Variants in MME observed in about 807,000 individuals in gnomAD.
The protein encoded by MME is membrane metalloendopeptidase.
MME carries 98 observed loss-of-function variants against 113.2 expected under a neutral mutation model. That is an observed-to-expected ratio of 0.87 (90% confidence interval 0.74 to 1.02). The LOEUF (loss-of-function observed/expected upper bound fraction) is 1.02, where lower values mean the gene tolerates loss of function less well. Ranked by LOEUF, MME falls within the 50% of genes least tolerant of loss-of-function variation. The pLI, the probability that MME is intolerant of heterozygous loss-of-function variation, is 0.00. For synonymous variants in MME, 292 were observed against 300.6 expected (o/e 0.97, Z 0.30); for missense variants, 836 against 896.0 (o/e 0.93, Z 0.86).
At chr3:155,039,896 C>G (rs1427833782) in intron 1 of MME, among the ~76,000 whole-genome samples, 1 of 151,944 alleles carries the variant, frequency 6.6e-6, no homozygotes, top group Admixed American at 6.6e-5. Context: ...TTTGAAATGA[C>G]TAAATCTAAC....
intron 1 of MME, among the ~76,000 whole-genome samples, chr3:155,058,604 A>G (rs998075164): frequency 3.9e-5 from 6 of 152,166 alleles, no homozygotes; most frequent in Admixed American, 2.0e-4. Context: ...AAGCCTAAGG[A>G]AAAAATATTA....
At chr3:155,135,390 G>A (rs889351198) in intron 8 of MME, among the ~76,000 whole-genome samples, 6 of 152,136 alleles carry the variant, frequency 3.9e-5, no homozygotes, top group Non-Finnish European at 8.8e-5. Flanking sequence ...TTTGAATAGG[G>A]AGTCCTTTCC....
intron 22 of MME, among the ~76,000 whole-genome samples, chr3:155,174,356 G>GTA (rs1312819128): frequency 6.7e-6 from 1 of 149,606 alleles, no homozygotes; most frequent in African/African-American, 2.5e-5. Context: ...GTGTGTGTGT[G>GTA]TGTGTGTGTG....
At chr3:155,125,584 C>T (rs772945690) in intron 8 of MME, among the ~76,000 whole-genome samples, 1 of 151,478 alleles carries the variant, frequency 6.6e-6, no homozygotes, top group Non-Finnish European at 1.5e-5. Context: ...CCTCGGCCTC[C>T]TGAGTACCTG....
Position 155,148,587 on chromosome 3 carries a change from T to A in MME, c.1535T>A (p.Ile512Asn), listed in dbSNP as rs372080418. The A allele has an allele frequency of 1.2e-6, 2 of 1,612,322 alleles. No individual in the cohort carries two copies. The highest frequency in any genetic ancestry group is 2.7e-5 in the African/African-American group (2 of 74,850). ...GAAGATGAATACTTCGAGAACATAA[T>A]TCAAAATTTGAAATTCAGCCAAAGT... ...YKEDEYFENI[I>N]QNLKFSQSKQ... is the part of the protein sequence containing the mutation. The change falls in exon 16 of 23, where the codon ATT (isoleucine) becomes AAT (asparagine). Residue 512 changes from isoleucine (I) to asparagine (N), a missense_variant. Transcript: ENST00000360490.
rs1419144042 is a variant in MME, at chr3:155,182,363, A to G, written c.*1904A>G. The G allele has an allele frequency of 6.6e-6, 1 of 152,230 alleles. No individual in the cohort carries two copies. Among genetic ancestry groups the G allele is most frequent in the Non-Finnish European group, 1.5e-5 (1 of 68,048 alleles). The allele number at this position is 152,230 out of a possible 1,614,324, so 9.4% of individuals were successfully genotyped here. A position where few individuals can be genotyped will look rare whatever the true frequency, so the allele number is the denominator to read the frequency against. ...ATTTTGGCGCTATTACAAATAGTGC[A>G]ACTATGAATGTACTGCATGTTACCA... On this transcript the variant is annotated 3_prime_UTR_variant, in exon 23 of 23. Coordinates refer to ENST00000360490, the MANE Select transcript of MME (RefSeq NM_007289.4).
chr3:155,089,758 A>C (rs1453364117), intron 3 of MME: 4 of 378,970 alleles, frequency 1.1e-5, no homozygotes, highest in Non-Finnish European at 2.2e-5. Context: ...CGGGTGGATC[A>C]CTTGAGGTCG....
chr3:155,116,762 A>T lies in MME; in HGVS notation c.535+3A>T. 6.2e-7 allele frequency: 1 copy of T among 1,611,822 alleles called. No homozygotes were observed. Among genetic ancestry groups the T allele is most frequent in the Non-Finnish European group, 8.5e-7 (1 of 1,178,174 alleles). On this transcript the variant is annotated splice_donor_region_variant and intron_variant, in intron 6 of 22. Transcript: ENST00000360490. ...AGAAAACTGGGAGCAAAAATATGGT[A>T]AGGCAATTTTCCTACTAAAAAAGAA...
At chr3:155,065,627 A>T (rs188226346) in intron 1 of MME, among the ~76,000 whole-genome samples, 1 of 152,360 alleles carries the variant, frequency 6.6e-6, no homozygotes, top group Non-Finnish European at 1.5e-5. Context: ...CAACAAAAAA[A>T]GTTGCATGAT....
At chr3:155,065,112 A>C (rs916279738) in intron 1 of MME, among the ~76,000 whole-genome samples, 2 of 152,162 alleles carry the variant, frequency 1.3e-5, no homozygotes, top group Non-Finnish European at 2.9e-5. Flanking sequence ...CTGTGGTTGC[A>C]GGAAGGACAT....
chr3:155,131,147 T>C (rs1461395593), intron 8 of MME, among the ~76,000 whole-genome samples: 1 of 152,186 alleles, frequency 6.6e-6, no homozygotes, highest in Non-Finnish European at 1.5e-5. Flanking sequence ...GAATGTGTTT[T>C]AATGGAAGCA....
chr3:155,088,515 C>G (rs557442469), intron 3 of MME, among the ~76,000 whole-genome samples: 1 of 151,920 alleles, frequency 6.6e-6, no homozygotes, highest in Non-Finnish European at 1.5e-5. Flanking sequence ...GAAAACCCAT[C>G]TCTACTAAAA....
At chr3:155,059,193 T>C (rs1451255760) in intron 1 of MME, among the ~76,000 whole-genome samples, 1 of 140,846 alleles carries the variant, frequency 7.1e-6, no homozygotes, top group African/African-American at 2.7e-5. Context: ...GGGCAGAGGT[T>C]GCAGTCAGTG....
chr3:155,102,577 A>G (rs1048401496), intron 3 of MME, among the ~76,000 whole-genome samples: 15 of 152,186 alleles, frequency 9.9e-5, no homozygotes, highest in African/African-American at 3.1e-4. Flanking sequence ...GCATAAGTCA[A>G]CTTGGCAGGG....
intron 1 of MME, among the ~76,000 whole-genome samples, chr3:155,027,677 G>A (rs1430320331): frequency 6.6e-6 from 1 of 152,146 alleles, no homozygotes; most frequent in East Asian, 1.9e-4. Context: ...CTTAACAGTA[G>A]GCTTAGATAG....
At chr3:155,065,118 G>T (rs1714346303) in intron 1 of MME, among the ~76,000 whole-genome samples, 1 of 152,158 alleles carries the variant, frequency 6.6e-6, no homozygotes, top group South Asian at 2.1e-4. Context: ...TTGCAGGAAG[G>T]ACATGAATTT....
chr3:155,125,161 G>A, intron 8 of MME, among the ~76,000 whole-genome samples: 1 of 148,226 alleles, frequency 6.7e-6, no homozygotes, highest in South Asian at 2.3e-4. Flanking sequence ...GCAATATTCG[G>A]GTGGGAGTGA....
At chr3:155,125,239 G>A (rs1173395566) in intron 8 of MME, among the ~76,000 whole-genome samples, 4 of 145,916 alleles carry the variant, frequency 2.7e-5, no homozygotes, top group East Asian at 2.1e-4. Flanking sequence ...GACCCCTTGC[G>A]CTTCCCAGGT....
intron 14 of MME, among the ~76,000 whole-genome samples, chr3:155,146,134 A>G (rs1001081476): frequency 6.6e-6 from 1 of 152,190 alleles, no homozygotes; most frequent in Non-Finnish European, 1.5e-5. Context: ...AGAGAAATAA[A>G]ATAAAAATAG....
Sources: allele counts gnomAD v4.1 joint callset (sites outside exome capture counted in the v4.1 genomes callset), GRCh38; gene constraint gnomAD v4.1.1; transcripts MANE v1.5; gene names NCBI Gene and HGNC (gene_info 2026-07-23, HGNC 2026-07-21).